The following TIAM2 variants were observed in gnomAD, a reference collection of about 807,000 sequenced individuals.
TIAM2 encodes TIAM Rac1 associated GEF 2.
Under a neutral mutation model 152.9 loss-of-function variants are expected in TIAM2, and 80 were observed. That is an observed-to-expected ratio of 0.52 (90% confidence interval 0.44 to 0.63). The LOEUF (loss-of-function observed/expected upper bound fraction) is 0.63, where lower values mean the gene tolerates loss of function less well. TIAM2 is among the 30% of genes least tolerant of loss of function. TIAM2 has a pLI of 0.00. For missense variants in TIAM2, 1,965 were observed against 2,120.1 expected, an observed-to-expected ratio of 0.93 and a Z score of 1.44; for synonymous variants, 804 against 838.0, an observed-to-expected ratio of 0.96 and a Z score of 0.70.
intron 2 of TIAM2, among the ~76,000 whole-genome samples, chr6:155,126,087 G>A (rs916684471): frequency 1.3e-5 from 2 of 152,076 alleles, no homozygotes; most frequent in African/African-American, 4.8e-5. Context: ...TCTCTCCATG[G>A]GATGAATGAA....
intron 20 of TIAM2, among the ~76,000 whole-genome samples, chr6:155,248,432 T>C (rs1200374144): frequency 1.3e-5 from 2 of 152,216 alleles, no homozygotes; most frequent in African/African-American, 4.8e-5. Flanking sequence ...ACTCCTCCTA[T>C]GCAGGGATGA....
intron 19 of TIAM2, among the ~76,000 whole-genome samples, chr6:155,247,486 G>A (rs935915873): frequency 2.0e-5 from 3 of 151,882 alleles, no homozygotes; most frequent in Non-Finnish European, 4.4e-5. Flanking sequence ...CCACCACCAC[G>A]CCCGGCGAAT....
intron 14 of TIAM2, among the ~76,000 whole-genome samples, chr6:155,184,178 G>A (rs2115147727): frequency 6.6e-6 from 1 of 152,064 alleles, no homozygotes; most frequent in East Asian, 1.9e-4. Context: ...TAGTAGAGGT[G>A]GGGTTTCAGC....
intron 1 of TIAM2, among the ~76,000 whole-genome samples, chr6:155,032,232 C>T (rs900849964): frequency 2.6e-5 from 4 of 152,188 alleles, no homozygotes; most frequent in Non-Finnish European, 4.4e-5. Context: ...CTGTGCGAAC[C>T]TGCCTGCTTG....
At chr6:155,173,148 A>G (rs1377866914) in intron 9 of TIAM2, among the ~76,000 whole-genome samples, 1 of 149,404 alleles carries the variant, frequency 6.7e-6, no homozygotes, top group Non-Finnish European at 1.5e-5. Flanking sequence ...ACTTTTCTTG[A>G]ACTGTATACA....
At chr6:155,114,034 ATATTTTTTTTTTTTTCTTTTT>A (rs1386064092) in intron 2 of TIAM2, among the ~76,000 whole-genome samples, 9 of 37,772 alleles carry the variant, frequency 2.4e-4, no homozygotes, top group African/African-American at 1.0e-3. Context: ...ATATATATAT[ATATTTTTTTTTTTTTCTTTTT>A]TTTTTTTTTT....
At chr6:155,256,427 T>G (rs771807826) in intron 26 of TIAM2, 57 bp from the exon 27 acceptor site, 7 of 1,610,198 alleles carry the variant, frequency 4.3e-6, no homozygotes, top group Non-Finnish European at 5.9e-6. Flanking sequence ...GAGGCAAACA[T>G]TACACATTGT....
At chr6:155,048,108 A>T (rs897410228) in intron 1 of TIAM2, among the ~76,000 whole-genome samples, 1 of 152,072 alleles carries the variant, frequency 6.6e-6, no homozygotes, top group Admixed American at 6.5e-5. Context: ...ATGTGCCACC[A>T]TAGCCACCTA....
intron 19 of TIAM2, 66 bp downstream of exon 19, chr6:155,245,797 A>C: frequency 9.1e-7 from 1 of 1,102,424 alleles, no homozygotes; most frequent in South Asian, 1.5e-5. Flanking sequence ...GTAAAGGGTA[A>C]ATCTGTATTT....
intron 1 of TIAM2, among the ~76,000 whole-genome samples, chr6:154,997,211 C>T (rs1312618288): frequency 6.6e-6 from 1 of 152,196 alleles, no homozygotes; most frequent in African/African-American, 2.4e-5. Flanking sequence ...CTGTCAATTA[C>T]CCACGCATTC....
At chr6:155,240,731 A>G in intron 16 of TIAM2, 22 bp downstream of exon 16, 1 of 1,597,580 alleles carries the variant, frequency 6.3e-7, no homozygotes, top group Non-Finnish European at 8.5e-7. Flanking sequence ...GCTGGCATTT[A>G]TGCATTCGTG....
At chr6:155,105,576 G>A (rs1224448125) in intron 2 of TIAM2, among the ~76,000 whole-genome samples, 4 of 151,474 alleles carry the variant, frequency 2.6e-5, no homozygotes, top group Non-Finnish European at 4.4e-5. Context: ...GACCACAGGT[G>A]TGCACTCCCA....
At chr6:155,226,004 T>C (rs1782226736) in intron 15 of TIAM2, among the ~76,000 whole-genome samples, 1 of 152,214 alleles carries the variant, frequency 6.6e-6, no homozygotes, top group African/African-American at 2.4e-5. Flanking sequence ...TAATTGATGT[T>C]TTATATACTT....
intron 14 of TIAM2, among the ~76,000 whole-genome samples, chr6:155,210,640 A>G (rs1394606197): frequency 6.6e-6 from 1 of 152,124 alleles, no homozygotes; most frequent in African/African-American, 2.4e-5. Context: ...CCTGGCCCAT[A>G]TTATTTCTTA....
At chr6:155,231,969 T>C (rs1782495646) in intron 15 of TIAM2, among the ~76,000 whole-genome samples, 1 of 147,538 alleles carries the variant, frequency 6.8e-6, no homozygotes, top group South Asian at 2.1e-4. Context: ...TAATCCCAGC[T>C]ACGTGGGAGG....
intron 1 of TIAM2, among the ~76,000 whole-genome samples, chr6:155,043,846 A>G (rs1437776425): frequency 2.0e-5 from 3 of 151,992 alleles, no homozygotes; most frequent in Non-Finnish European, 2.9e-5. Flanking sequence ...TTGACCCTCA[A>G]TCTTCTGACA....
intron 21 of TIAM2, chr6:155,250,639 A>T: frequency 1.3e-6 from 2 of 1,535,092 alleles, no homozygotes; most frequent in Non-Finnish European, 1.7e-6. Flanking sequence ...AGTTCATCTT[A>T]TGGAAACTGA....
chr6:155,114,074 A>ATTTTT (rs1778951714), intron 2 of TIAM2, among the ~76,000 whole-genome samples: 1 of 51,952 alleles, frequency 1.9e-5, no homozygotes, highest in Non-Finnish European at 3.6e-5. Flanking sequence ...TTTTTTTTGA[A>ATTTTT]ATGGAGTCTT....
At chr6:155,161,568 C>CTTT (rs575970529) in intron 7 of TIAM2, among the ~76,000 whole-genome samples, 3 of 137,546 alleles carry the variant, frequency 2.2e-5, no homozygotes, top group Non-Finnish European at 4.8e-5. Context: ...TTTATTTTGT[C>CTTT]TTTTTTTTTT....
Sources: allele counts gnomAD v4.1 joint callset (sites outside exome capture counted in the v4.1 genomes callset), GRCh38; gene constraint gnomAD v4.1.1; transcripts MANE v1.5; gene names NCBI Gene and HGNC (gene_info 2026-07-23, HGNC 2026-07-21).